Variants in RAI1 observed in about 807,000 individuals in gnomAD.
The protein encoded by RAI1 is retinoic acid induced 1, also known as retinoic acid-induced protein 1.
Under a neutral mutation model 123.8 loss-of-function variants are expected in RAI1, and 9 were observed. The observed-to-expected ratio is 0.07, with a 90% confidence interval of 0.04 to 0.13. The LOEUF (loss-of-function observed/expected upper bound fraction) is 0.13, where lower values mean the gene tolerates loss of function less well. Ranked by LOEUF, RAI1 falls within the 10% of genes least tolerant of loss-of-function variation. The probability of loss-of-function intolerance (pLI) is 1.00; values close to 1 mark genes in which losing one functional copy is unlikely to be tolerated. For synonymous variants in RAI1, 1,231 were observed against 1,127.3 expected (o/e 1.09, Z -1.84); for missense variants, 2,256 against 2,545.8 (o/e 0.89, Z 2.45).
intron 2 of RAI1, among the ~76,000 whole-genome samples, chr17:17,753,472 C>A (rs1466888500): frequency 1.3e-5 from 2 of 152,206 alleles, no homozygotes; most frequent in Non-Finnish European, 2.9e-5. Flanking sequence ...ACATGGATAG[C>A]CTTTTGGGAG....
chr17:17,798,356 G>A lies in RAI1; in HGVS notation c.5408G>A (p.Arg1803His), dbSNP rs771965950. 6.0e-5 allele frequency: 96 copies of A among 1,605,894 alleles called. No individual in the cohort carries two copies. Among genetic ancestry groups the A allele is most frequent in the Non-Finnish European group, 7.9e-5 (93 of 1,176,370 alleles). ...GAGGCAGCCCCAGCCGACAAGGGTC[G>A]CAAACATGAGTGCAGCAAGGAGGCT... ...GEEAAPADKG[R>H]KHECSKEAPA... Residue 1803 changes from arginine to histidine, a missense_variant, in exon 3 of 6, where the codon CGC (arginine) becomes CAC (histidine). Transcript: ENST00000353383.
chr17:17,699,328 G>A (rs944173974), intron 1 of RAI1, among the ~76,000 whole-genome samples: 5 of 152,220 alleles, frequency 3.3e-5, no homozygotes, highest in African/African-American at 4.8e-5. Context: ...GCACAGCACC[G>A]CTGCCTCAGG....
intron 2 of RAI1, chr17:17,779,298 C>T (rs982245226): frequency 2.3e-5 from 6 of 263,870 alleles, no homozygotes; most frequent in East Asian, 1.0e-4. Context: ...GGCCAGGATC[C>T]GCACCCACCC....
chr17:17,767,904 G>A (rs778311345), intron 2 of RAI1, among the ~76,000 whole-genome samples: 12 of 152,164 alleles, frequency 7.9e-5, no homozygotes, highest in Non-Finnish European at 1.6e-4. Context: ...GCTCAGAAAC[G>A]TGGGCTCACT....
intron 2 of RAI1, among the ~76,000 whole-genome samples, chr17:17,738,979 T>G (rs1342373146): frequency 6.6e-6 from 1 of 152,148 alleles, no homozygotes; most frequent in African/African-American, 2.4e-5. Flanking sequence ...TCATCAGTGT[T>G]ATTTCTGAGG....
intron 2 of RAI1, among the ~76,000 whole-genome samples, chr17:17,760,324 G>A (rs2030635268): frequency 6.6e-6 from 1 of 152,062 alleles, no homozygotes; most frequent in Non-Finnish European, 1.5e-5. Flanking sequence ...TGGCATCAAG[G>A]TGTGCCTGTA....
At chr17:17,783,074 T>G (rs866861510) in intron 2 of RAI1, among the ~76,000 whole-genome samples, 7 of 552 alleles carry the variant, frequency 0.013, no homozygotes, top group African/African-American at 0.036. Flanking sequence ...TGGGGGCTGG[T>G]GGCAGCCCCC....
chr17:17,792,882 T>TCCCC, intron 2 of RAI1, 51 bp from the exon 3 acceptor site: 1 of 432,928 alleles, frequency 2.3e-6, no homozygotes, highest in Middle Eastern at 5.4e-4. Context: ...TCCCTGCCCA[T>TCCCC]CCTCCCCTCC....
At chr17:17,745,260 G>T (rs568747455) in intron 2 of RAI1, among the ~76,000 whole-genome samples, 6 of 151,944 alleles carry the variant, frequency 3.9e-5, no homozygotes, top group Admixed American at 1.3e-4. Context: ...GGAAAGGGAG[G>T]TATTTGGGAT....
Position 17,797,681 on chromosome 17 carries a change from A to G in RAI1, c.4733A>G (p.Lys1578Arg). Residue 1578 changes from lysine (K) to arginine (R), a missense_variant, in exon 3 of 6, where the codon AAG becomes AGG. By Grantham distance (26) the Lys-to-Arg change is conservative. Transcript: ENST00000353383. Reference protein sequence around the residue: ...LDPAEPEIRLKYISSCKRLRS... With the variant: ...LDPAEPEIRLRYISSCKRLRS... Reference sequence around the variant, plus strand: ...CCCGCAGAGCCTGAAATCCGCCTCAAGTACATTTCCTCTTGCAAGCGGCTG... The same window carrying G: ...CCCGCAGAGCCTGAAATCCGCCTCAGGTACATTTCCTCTTGCAAGCGGCTG... The G allele has an allele frequency of 6.2e-7, 1 of 1,613,726 alleles. No homozygotes were observed. Among genetic ancestry groups the G allele is most frequent in the South Asian group, 1.1e-5 (1 of 91,080 alleles).
At chr17:17,768,962 C>T (rs1286099248) in intron 2 of RAI1, among the ~76,000 whole-genome samples, 2 of 152,144 alleles carry the variant, frequency 1.3e-5, no homozygotes, top group Non-Finnish European at 1.5e-5. Flanking sequence ...CAGTGTCAGG[C>T]AGTTTGGGGG....
chr17:17,773,181 G>C (rs2031225312), intron 2 of RAI1, among the ~76,000 whole-genome samples: 1 of 152,150 alleles, frequency 6.6e-6, no homozygotes, highest in African/African-American at 2.4e-5. Flanking sequence ...GAGTCCAGAG[G>C]CATTAGAAAA....
At chr17:17,682,288 C>T (rs1226546123) in intron 1 of RAI1, among the ~76,000 whole-genome samples, 1 of 151,954 alleles carries the variant, frequency 6.6e-6, no homozygotes, top group Admixed American at 6.5e-5. Context: ...GAGTCAGGGC[C>T]GGCGAAGGCC....
intron 3 of RAI1, chr17:17,802,235 T>C (rs904054652): frequency 1.5e-4 from 67 of 461,598 alleles, no homozygotes; most frequent in African/African-American, 1.2e-3. Flanking sequence ...CGGCATCAGA[T>C]TTACATGAAG....
intron 3 of RAI1, 98 bp from the exon 4 acceptor site, chr17:17,803,658 T>C (rs2032532893): frequency 8.7e-7 from 1 of 1,146,894 alleles, no homozygotes. Context: ...AGTGCTGGGA[T>C]TACAGGCATG....
At chr17:17,785,011 A>G (rs1359022933) in intron 2 of RAI1, among the ~76,000 whole-genome samples, 2 of 152,002 alleles carry the variant, frequency 1.3e-5, no homozygotes, top group Non-Finnish European at 2.9e-5. Context: ...CCCCACCCCC[A>G]TGGGCCCCTG....
intron 2 of RAI1, among the ~76,000 whole-genome samples, chr17:17,746,477 C>T (rs549408127): frequency 3.3e-5 from 5 of 152,284 alleles, no homozygotes; most frequent in Non-Finnish European, 7.4e-5. Context: ...GAGCTACCAC[C>T]GTTCTCTGTC....
At chr17:17,701,129 T>C (rs1330054114) in intron 1 of RAI1, among the ~76,000 whole-genome samples, 1 of 152,068 alleles carries the variant, frequency 6.6e-6, no homozygotes, top group South Asian at 2.1e-4. Flanking sequence ...TGGGATGGGA[T>C]TGGGGATGGG....
At position 17,724,354 on chromosome 17, in the gene RAI1, T is replaced by A. The variant is rs540928629; in HGVS notation, c.-17+195T>A. Among the ~76,000 whole-genome samples, 321 of 151,044 alleles carry A rather than the reference T, an allele frequency of 2.1e-3. 3 individuals are homozygous for A. The highest frequency in any genetic ancestry group is 3.3e-3 in the Non-Finnish European group (220 of 67,690). On this transcript the variant is annotated intron_variant, in intron 2 of 5. Coordinates refer to ENST00000353383, the MANE Select transcript of RAI1 (RefSeq NM_030665.4). ...GTTGCGGATTTGCATGTTTGGGGGT[T>A]TTCCACGCTGGTTGAGGGAATCGGT...
Sources: allele counts gnomAD v4.1 joint callset (sites outside exome capture counted in the v4.1 genomes callset), GRCh38; gene constraint gnomAD v4.1.1; transcripts MANE v1.5; gene names NCBI Gene and HGNC (gene_info 2026-07-23, HGNC 2026-07-21).